Variants in NT5DC1 observed in about 807,000 individuals in gnomAD.
NT5DC1 encodes the protein 5'-nucleotidase domain containing 1, also known as 5'-nucleotidase domain-containing protein 1.
NT5DC1 carries 42 observed loss-of-function variants against 59.4 expected under a neutral mutation model. The observed-to-expected ratio is 0.71, with a 90% CI of 0.55 to 0.92. NT5DC1 has a LOEUF of 0.92. Among genes scored for constraint, NT5DC1 ranks in the 40% least tolerant of loss-of-function variants. The pLI is 0.00. For missense variants in NT5DC1, 501 were observed against 537.1 expected, an observed-to-expected ratio of 0.93 and a Z score of 0.66; for synonymous variants, 172 against 188.1, an observed-to-expected ratio of 0.91 and a Z score of 0.70.
chr6:116,232,420 A>G (rs1227901043), intron 8 of NT5DC1, among the ~76,000 whole-genome samples: 3 of 152,066 alleles, frequency 2.0e-5, no homozygotes, highest in Non-Finnish European at 4.4e-5. Flanking sequence ...ATATACTCAT[A>G]TTCGTATTTG....
chr6:116,231,149 C>T (rs1390752353), intron 8 of NT5DC1, among the ~76,000 whole-genome samples: 3 of 12,420 alleles, frequency 2.4e-4, no homozygotes, highest in Non-Finnish European at 2.2e-4. Context: ...AATGGTAAAT[C>T]CCCCCCCCAA....
At chr6:116,182,637 T>A (rs1780911362) in intron 6 of NT5DC1, among the ~76,000 whole-genome samples, 3 of 152,132 alleles carry the variant, frequency 2.0e-5, no homozygotes, top group Non-Finnish European at 4.4e-5. Context: ...TGATCGCTAG[T>A]GATGTTGAGC....
chr6:116,223,104 C>A lies in NT5DC1; in HGVS notation c.775C>A (p.Pro259Thr), dbSNP rs368376654. 2 of 1,603,098 alleles carry A rather than the reference C, an allele frequency of 1.2e-6. No individual in the cohort carries two copies. The highest frequency in any genetic ancestry group is 2.7e-5 in the African/African-American group (2 of 74,662). Residue 259 changes from proline to threonine, a missense_variant, in exon 8 of 12, where the codon CCA (proline) becomes ACA (threonine). By Grantham distance (38) the Pro-to-Thr change is conservative (BLOSUM62 -1). Transcript: ENST00000319550. ...ALKPGFFSHL[P>T]SQRPFRTLEN... ...GAAGCCTGGTTTCTTCTCCCACTTA[C>A]CAAGTCAGAGACCTTTCCGGACACT...
intron 6 of NT5DC1, among the ~76,000 whole-genome samples, chr6:116,188,593 G>T (rs1016971470): frequency 6.6e-6 from 1 of 151,896 alleles, no homozygotes; most frequent in Non-Finnish European, 1.5e-5. Context: ...GGTTACACTA[G>T]AGCATAATTA....
At position 116,120,483 on chromosome 6, in the gene NT5DC1, C is replaced by G. The variant is rs2228547; in HGVS notation, c.529+2538C>G. On this transcript the variant is annotated intron_variant, in intron 6 of 11. Coordinates refer to ENST00000319550, the MANE Select transcript of NT5DC1 (RefSeq NM_152729.3). ...GCAGACACAGGCATTCCTGTTACCC[C>G]CTGGTTGGCACTAACAAGAGGGGTC... 0.13 allele frequency: 214,768 copies of G among 1,614,074 alleles called. 16,466 individuals carry two copies. Among genetic ancestry groups the G allele is most frequent in the African/African-American group, 0.26 (19,815 of 74,986 alleles).
chr6:116,214,832 G>C (rs200725486), intron 6 of NT5DC1, among the ~76,000 whole-genome samples: 1 of 151,462 alleles, frequency 6.6e-6, no homozygotes, highest in South Asian at 2.1e-4. Flanking sequence ...AAAAAAAAAA[G>C]AGTTATCTGG....
At chr6:116,145,485 A>C (rs767813518) in intron 6 of NT5DC1, 5 of 374,696 alleles carry the variant, frequency 1.3e-5, no homozygotes, top group African/African-American at 4.1e-5. Flanking sequence ...TACAAGTTTC[A>C]TACTTATTTA....
chr6:116,120,592 C>T, intron 6 of NT5DC1: 1 of 1,585,538 alleles, frequency 6.3e-7, no homozygotes, highest in South Asian at 1.2e-5. Context: ...GCCCAGGGGG[C>T]CCTGGAAGAC....
rs751880182 is a variant in NT5DC1, at chr6:116,115,711, A to C, written c.385A>C (p.Asn129His). 4.3e-5 allele frequency: 69 copies of C among 1,598,692 alleles called. No individual in the cohort carries two copies. The highest frequency in any genetic ancestry group is 5.6e-5 in the Non-Finnish European group (65 of 1,166,278). The change falls in exon 5 of 12, where the codon AAC becomes CAC. Residue 129 changes from asparagine to histidine, a missense_variant. Physicochemically the swap from Asn to His is moderately conservative, Grantham distance 68 (BLOSUM62 1). Coordinates refer to ENST00000319550, the MANE Select transcript of NT5DC1 (RefSeq NM_152729.3). ...CRSGKYYFYD[N>H]YFDLPGALLC... The stretch of plus-strand genomic sequence containing the variant: ...TTTAGGAAAGTATTACTTTTACGAC[A>C]ACTACTTTGACCTGCCAGGAGCTCT...
intron 6 of NT5DC1, among the ~76,000 whole-genome samples, chr6:116,123,535 C>T (rs1779200956): frequency 6.6e-6 from 1 of 152,236 alleles, no homozygotes; most frequent in African/African-American, 2.4e-5. Context: ...GTGGAATCCT[C>T]TGCAGCATAA....
intron 6 of NT5DC1, among the ~76,000 whole-genome samples, chr6:116,205,225 T>C (rs1334382958): frequency 1.3e-5 from 2 of 151,674 alleles, no homozygotes; most frequent in African/African-American, 4.8e-5. Flanking sequence ...CAAAACAAAA[T>C]AGAACAACAA....
In NT5DC1 at chr6:116,238,133, A is replaced by C. The variant is rs544236563; in HGVS notation, c.922-54A>C. The C allele has an allele frequency of 3.0e-5, 41 of 1,376,674 alleles. No homozygotes were observed. The African/African-American group carries it at 5.5e-4, about 18-fold the overall frequency. The allele number at this position is 1,376,674 out of a possible 1,614,324, so 85.3% of individuals were successfully genotyped here. On this transcript the variant is annotated intron_variant, in intron 9 of 11. Coordinates refer to ENST00000319550, the MANE Select transcript of NT5DC1 (RefSeq NM_152729.3). ...ATTTTCTTCTTCCTTATATGAAATAAATGCCACTTTCACAATTCTGTGCCT... is the reference window on the plus strand; with the variant it reads ...ATTTTCTTCTTCCTTATATGAAATACATGCCACTTTCACAATTCTGTGCCT...
chr6:116,105,659 C>CA (rs1202932788), intron 1 of NT5DC1, among the ~76,000 whole-genome samples: 1 of 152,052 alleles, frequency 6.6e-6, no homozygotes, highest in Non-Finnish European at 1.5e-5. Context: ...CAGCAATCAA[C>CA]AGAGTATTTA....
chr6:116,141,993 A>G (rs1433056063), intron 6 of NT5DC1, among the ~76,000 whole-genome samples: 1 of 151,996 alleles, frequency 6.6e-6, no homozygotes, highest in Non-Finnish European at 1.5e-5. Flanking sequence ...AAATTTTGAC[A>G]AAGTTACTTA....
intron 6 of NT5DC1, among the ~76,000 whole-genome samples, chr6:116,148,395 C>T (rs1028843898): frequency 1.3e-5 from 2 of 152,096 alleles, no homozygotes; most frequent in Non-Finnish European, 2.9e-5. Context: ...CCATACATGC[C>T]ATCCAAAGAT....
intron 6 of NT5DC1, among the ~76,000 whole-genome samples, chr6:116,209,996 A>G (rs1411473866): frequency 6.6e-6 from 1 of 152,036 alleles, no homozygotes; most frequent in Non-Finnish European, 1.5e-5. Flanking sequence ...ACTCTATTCC[A>G]TACCCAAGTT....
In NT5DC1 at chr6:116,110,927, T is replaced by C; in HGVS notation, c.335T>C (p.Leu112Ser). The C allele has an allele frequency of 1.2e-6, 2 of 1,613,414 alleles. No individual in the cohort carries two copies. The highest frequency in any genetic ancestry group is 1.7e-6 in the Non-Finnish European group (2 of 1,179,362). The change falls in exon 4 of 12, where the codon TTG becomes TCG. Residue 112 changes from leucine (L) to serine (S), a missense_variant. Leu to Ser is a moderately radical substitution (Grantham distance 145). Coordinates refer to ENST00000319550, the MANE Select transcript of NT5DC1 (RefSeq NM_152729.3). ...GGCAAGAAAGAGTGGAAGCACTTCTTGTCGGACACTGGAATGGCTTGCCGC... is the reference window on the plus strand; with the variant it reads ...GGCAAGAAAGAGTGGAAGCACTTCTCGTCGGACACTGGAATGGCTTGCCGC... ...AYGKKEWKHF[L>S]SDTGMACRSG...
chr6:116,120,751 CCCAATAGGGCCTCTAGTA>C, intron 6 of NT5DC1: 2 of 1,604,096 alleles, frequency 1.2e-6, no homozygotes, highest in South Asian at 2.2e-5. Flanking sequence ...TGCCTGGTGG[CCCAATAGGGCCTCTAGTA>C]CCTGGTATTC....
chr6:116,157,833 C>T (rs1443528201), intron 6 of NT5DC1, among the ~76,000 whole-genome samples: 1 of 152,192 alleles, frequency 6.6e-6, no homozygotes, highest in Non-Finnish European at 1.5e-5. Context: ...CTCACCTATT[C>T]AGGATCCTTC....
Sources: allele counts gnomAD v4.1 joint callset (sites outside exome capture counted in the v4.1 genomes callset), GRCh38; gene constraint gnomAD v4.1.1; transcripts MANE v1.5; gene names NCBI Gene and HGNC (gene_info 2026-07-23, HGNC 2026-07-21).